Variants in ZRANB3 observed in about 807,000 individuals in gnomAD.
ZRANB3 encodes zinc finger RANBP2-type containing 3.
Under a neutral mutation model 133.8 loss-of-function variants are expected in ZRANB3, and 125 were observed. That is an observed-to-expected ratio of 0.93 (90% CI 0.81 to 1.08). The LOEUF (loss-of-function observed/expected upper bound fraction) is 1.08, where lower values mean the gene tolerates loss of function less well. Ranked by LOEUF, ZRANB3 falls within the 50% of genes least tolerant of loss-of-function variation. The probability of loss-of-function intolerance (pLI) is 0.00; values close to 1 mark genes in which losing one functional copy is unlikely to be tolerated. For synonymous variants in ZRANB3, 387 were observed against 432.7 expected, an observed-to-expected ratio of 0.89 and a Z score of 1.31; for missense variants, 1,229 against 1,275.5, an observed-to-expected ratio of 0.96 and a Z score of 0.56.
intron 8 of ZRANB3, among the ~76,000 whole-genome samples, chr2:135,286,898 T>C (rs1270622565): frequency 1.3e-5 from 2 of 152,254 alleles, no homozygotes; most frequent in African/African-American, 4.8e-5. Flanking sequence ...ACTGCTCCTT[T>C]TGCTGTGCAG....
chr2:135,304,923 T>A (rs1462416254), intron 8 of ZRANB3, among the ~76,000 whole-genome samples: 3 of 152,042 alleles, frequency 2.0e-5, no homozygotes, highest in African/African-American at 4.8e-5. Flanking sequence ...TTCTTCTCTA[T>A]TTTTGTTTTA....
intron 2 of ZRANB3, among the ~76,000 whole-genome samples, chr2:135,470,323 C>CAA (rs200574969): frequency 7.9e-6 from 1 of 126,772 alleles, no homozygotes; most frequent in Non-Finnish European, 1.7e-5. Context: ...GACTCTGTCT[C>CAA]AAAAAAAAAA....
chr2:135,222,292 T>G (rs1406638186), intron 15 of ZRANB3, among the ~76,000 whole-genome samples: 1 of 151,444 alleles, frequency 6.6e-6, no homozygotes, highest in East Asian at 1.9e-4. Context: ...ATCCCAGCTA[T>G]TCGGGAGGCT....
At chr2:135,432,077 C>T (rs1183812284) in intron 2 of ZRANB3, among the ~76,000 whole-genome samples, 3 of 151,938 alleles carry the variant, frequency 2.0e-5, no homozygotes, top group Non-Finnish European at 4.4e-5. Flanking sequence ...ATGGAGAAAC[C>T]CTGTCTCTGC....
chr2:135,236,693 A>G (rs1245378302), intron 12 of ZRANB3, among the ~76,000 whole-genome samples: 3 of 152,304 alleles, frequency 2.0e-5, no homozygotes, highest in Non-Finnish European at 2.9e-5. Flanking sequence ...TGGGGAAAGG[A>G]TTCCCTATTT....
At position 135,399,222 on chromosome 2, in the gene ZRANB3, G is replaced by A. The variant is rs534704631; in HGVS notation, c.162-8402C>T. Reference sequence around the variant, plus strand: ...TCTCCCAGCTCCCCAGGCCCCTTCCGAGAAGCAACCTCTGGACCTGCTTTC... The same window carrying A: ...TCTCCCAGCTCCCCAGGCCCCTTCCAAGAAGCAACCTCTGGACCTGCTTTC... On this transcript the variant is annotated intron_variant, in intron 2 of 20. Coordinates refer to ENST00000264159, the MANE Select transcript of ZRANB3 (RefSeq NM_032143.4). Among the ~76,000 whole-genome samples, 40 of 152,228 alleles carry A rather than the reference G, an allele frequency of 2.6e-4. 1 individual carries two copies. Among genetic ancestry groups the A allele is most frequent in the South Asian group, 2.1e-3 (10 of 4,814 alleles).
intron 2 of ZRANB3, among the ~76,000 whole-genome samples, chr2:135,458,453 G>A (rs1313649100): frequency 6.6e-6 from 1 of 151,190 alleles, no homozygotes. Flanking sequence ...TGTAATATCA[G>A]TTGATTTTAG....
intron 2 of ZRANB3, among the ~76,000 whole-genome samples, chr2:135,410,530 T>A (rs1037215248): frequency 5.3e-5 from 8 of 152,024 alleles, no homozygotes; most frequent in African/African-American, 1.9e-4. Context: ...AACTACAAAA[T>A]TCCTAGAAGA....
At chr2:135,238,291 G>C (rs1695393704) in intron 12 of ZRANB3, among the ~76,000 whole-genome samples, 1 of 152,110 alleles carries the variant, frequency 6.6e-6, no homozygotes, top group African/African-American at 2.4e-5. Flanking sequence ...ACACTGACAT[G>C]CCTCCATTGA....
At chr2:135,221,017 CAGAT>C (rs1694531665) in intron 15 of ZRANB3, among the ~76,000 whole-genome samples, 1 of 151,824 alleles carries the variant, frequency 6.6e-6, no homozygotes, top group Non-Finnish European at 1.5e-5. Flanking sequence ...CCACCATGCC[CAGAT>C]AATTTTTGTA....
chr2:135,418,925 CTTTTTTTTTTTTTT>C (rs769271961), intron 2 of ZRANB3, among the ~76,000 whole-genome samples: 16 of 85,882 alleles, frequency 1.9e-4, no homozygotes, highest in Admixed American at 3.0e-4. Flanking sequence ...AGGATTCTCT[CTTTTTTTTTTTTTT>C]TTTTTTTTTT....
At chr2:135,381,990 G>A (rs1400702580) in intron 3 of ZRANB3, among the ~76,000 whole-genome samples, 7 of 152,226 alleles carry the variant, frequency 4.6e-5, no homozygotes, top group African/African-American at 7.2e-5. Context: ...AAAGCTGGAC[G>A]GAGAATGACT....
chr2:135,255,861 CT>C (rs1679627438), intron 12 of ZRANB3, among the ~76,000 whole-genome samples: 2 of 151,628 alleles, frequency 1.3e-5, no homozygotes, highest in African/African-American at 4.8e-5. Flanking sequence ...AAAAACAACC[CT>C]CCTCAAACAA....
At chr2:135,435,446 T>C (rs1055666294) in intron 2 of ZRANB3, among the ~76,000 whole-genome samples, 7 of 152,342 alleles carry the variant, frequency 4.6e-5, no homozygotes, top group South Asian at 2.1e-4. Context: ...TAGTGCTACA[T>C]TGAACATTCA....
chr2:135,215,219 G>A (rs1694256203), intron 17 of ZRANB3, among the ~76,000 whole-genome samples: 1 of 151,358 alleles, frequency 6.6e-6, no homozygotes, highest in African/African-American at 2.4e-5. Flanking sequence ...TGGCTAGCCA[G>A]TATTTTTTTA....
chr2:135,206,914 C>T (rs1159926053), intron 19 of ZRANB3, among the ~76,000 whole-genome samples: 1 of 152,084 alleles, frequency 6.6e-6, no homozygotes, highest in African/African-American at 2.4e-5. Flanking sequence ...CCTGTAATCC[C>T]AGCACTTTGG....
chr2:135,460,678 G>A (rs1460400753), intron 2 of ZRANB3, among the ~76,000 whole-genome samples: 2 of 152,070 alleles, frequency 1.3e-5, no homozygotes, highest in Admixed American at 6.6e-5. Flanking sequence ...ACCAAAGTAA[G>A]TTTAGTTCCA....
chr2:135,425,989 T>G (rs895330406), intron 2 of ZRANB3, among the ~76,000 whole-genome samples: 1 of 151,230 alleles, frequency 6.6e-6, no homozygotes, highest in Non-Finnish European at 1.5e-5. Flanking sequence ...ATAAACACAA[T>G]CAGAAGTGAC....
chr2:135,485,389 T>C (rs561100726), intron 2 of ZRANB3, among the ~76,000 whole-genome samples: 1 of 152,256 alleles, frequency 6.6e-6, no homozygotes, highest in South Asian at 2.1e-4. Flanking sequence ...GTAGTCATAT[T>C]AAGGCAGGGG....
Sources: allele counts gnomAD v4.1 joint callset (sites outside exome capture counted in the v4.1 genomes callset), GRCh38; gene constraint gnomAD v4.1.1; transcripts MANE v1.5; gene names NCBI Gene and HGNC (gene_info 2026-07-23, HGNC 2026-07-21).